FITM1: variants seen among roughly 807,000 people sequenced by gnomAD.
FITM1 encodes fat storage-inducing transmembrane protein 1.
A neutral mutation model predicts 22.2 loss-of-function variants in FITM1; 11 were observed. The ratio of observed to expected loss-of-function variants is 0.50; its 90% CI spans 0.31 to 0.82. The LOEUF is 0.82. Ranked by LOEUF, FITM1 falls within the 40% of genes least tolerant of loss-of-function variation. The pLI is 0.04. For missense variants in FITM1, 394 were observed against 386.4 expected (o/e 1.02, Z -0.17); for synonymous variants, 164 against 174.0 (o/e 0.94, Z 0.45).
chr14:24,132,599 C>G lies in FITM1; in HGVS notation c.655C>G (p.Arg219Gly), dbSNP rs570159546. The change falls in exon 2 of 2, where the codon CGC becomes GGC. Residue 219 changes from arginine to glycine, a missense_variant. By Grantham distance (125) the Arg-to-Gly change is moderately radical. Transcript: ENST00000267426. The part of the protein sequence containing the change: ...AHGLPAGAPL[R>G]LVFLLNVLLL... Reference sequence around the variant, plus strand: ...TGGGCTTCCTGCCGGCGCCCCACTGCGCCTTGTCTTCCTGCTGAACGTGCT... The same window carrying G: ...TGGGCTTCCTGCCGGCGCCCCACTGGGCCTTGTCTTCCTGCTGAACGTGCT... 7 of 1,611,454 alleles carry G rather than the reference C, an allele frequency of 4.3e-6. No homozygotes were observed. Among genetic ancestry groups the G allele is most frequent in the Non-Finnish European group, 5.9e-6 (7 of 1,180,036 alleles).
rs2037824047 is a variant in FITM1 at position 24,131,746 on chromosome 14, A to C, written c.183A>C (p.Ala61=). Residue 61 remains alanine (A), a synonymous_variant, in exon 1 of 2, where the codon GCA becomes GCC. Coordinates refer to ENST00000267426, the MANE Select transcript of FITM1 (RefSeq NM_203402.3). ...CLRRLYHAWL[A]AVVIFGPLLQ... is the part of the protein sequence containing the mutation. ...GGCGCCTCTACCATGCCTGGCTGGC[A>C]GCAGTGGTCATCTTTGGGCCGCTTC... 6.2e-7 allele frequency: 1 copy of C among 1,614,088 alleles called. No homozygotes were observed. Among genetic ancestry groups the C allele is most frequent in the Non-Finnish European group, 8.5e-7 (1 of 1,180,012 alleles).
rs908297454 is a variant in FITM1 at position 24,131,487 on chromosome 14, C to T, written c.-77C>T. On this transcript the variant is annotated 5_prime_UTR_variant, in exon 1 of 2. Coordinates refer to ENST00000267426, the MANE Select transcript of FITM1 (RefSeq NM_203402.3). Reference sequence around the variant, plus strand: ...GTCTGCCACACCTGTCACTGCCTATCCTTGTCCAGGGGGGGCCCCATCAGC... The same window carrying T: ...GTCTGCCACACCTGTCACTGCCTATTCTTGTCCAGGGGGGGCCCCATCAGC... 2 of 1,374,680 alleles carry T rather than the reference C, an allele frequency of 1.5e-6. No homozygotes were observed. The highest frequency in any genetic ancestry group is 1.2e-5 in the South Asian group (1 of 80,828). The allele number at this position is 1,374,680 out of a possible 1,614,324, so 85.2% of individuals were successfully genotyped here.
chr14:24,132,139 C>T, intron 1 of FITM1, 72 bp from the exon 2 acceptor site: 4 of 1,569,218 alleles, frequency 2.5e-6, no homozygotes, highest in East Asian at 2.2e-5. Context: ...GGGGAGAGTG[C>T]AGTGATGGGA....
chr14:24,132,386 C>G lies in FITM1; in HGVS notation c.442C>G (p.Leu148Val). ...CCGGGCCTTCCTGCTCATCGAGGAC[C>G]TGACTGGCTCCTGCTTCGAGCCACT... is the stretch of plus-strand genomic sequence containing the variant. Reference protein sequence around the residue: ...AGRAFLLIEDLTGSCFEPLPQ... With the variant: ...AGRAFLLIEDVTGSCFEPLPQ... Residue 148 changes from leucine (L) to valine (V), a missense_variant, in exon 2 of 2, where the codon CTG becomes GTG. Coordinates refer to ENST00000267426, the MANE Select transcript of FITM1 (RefSeq NM_203402.3). The G allele has an allele frequency of 6.2e-7, 1 of 1,612,910 alleles. No individual in the cohort carries two copies. Among genetic ancestry groups the G allele is most frequent in the South Asian group, 1.1e-5 (1 of 91,080 alleles).
In FITM1 at chr14:24,132,379, C is replaced by G; in HGVS notation, c.435C>G (p.Ile145Met). 3 of 1,613,338 alleles carry G rather than the reference C, an allele frequency of 1.9e-6. No individual in the cohort carries two copies. The highest frequency in any genetic ancestry group is 2.2e-5 in the East Asian group (1 of 44,888). Reference protein sequence around the residue: ...WRGAGRAFLLIEDLTGSCFEP... With the variant: ...WRGAGRAFLLMEDLTGSCFEP... ...GAGCCGGCCGGGCCTTCCTGCTCAT[C>G]GAGGACCTGACTGGCTCCTGCTTCG... is the stretch of plus-strand genomic sequence containing the variant. The change falls in exon 2 of 2, where the codon ATC (isoleucine) becomes ATG (methionine). Residue 145 changes from isoleucine to methionine, a missense_variant. Physicochemically the swap from Ile to Met is conservative, Grantham distance 10. Transcript: ENST00000267426.
chr14:24,132,611 C>G lies in FITM1; in HGVS notation c.667C>G (p.Leu223Val). Residue 223 changes from leucine (L) to valine (V), a missense_variant, in exon 2 of 2, where the codon CTG (leucine) becomes GTG (valine). Transcript: ENST00000267426. The stretch of plus-strand genomic sequence containing the variant: ...CGGCGCCCCACTGCGCCTTGTCTTC[C>G]TGCTGAACGTGCTGCTGCTGGGCCT... ...PAGAPLRLVF[L>V]LNVLLLGLWN... 6.2e-7 allele frequency: 1 copy of G among 1,612,408 alleles called. No individual in the cohort carries two copies.
In FITM1 at chr14:24,131,726, C is replaced by G. The variant is rs757385317; in HGVS notation, c.163C>G (p.Leu55Val). 6.2e-7 allele frequency: 1 copy of G among 1,614,058 alleles called. No individual in the cohort carries two copies. The highest frequency in any genetic ancestry group is 1.3e-5 in the African/African-American group (1 of 74,950). Residue 55 changes from leucine (L) to valine (V), a missense_variant, in exon 1 of 2, where the codon CTC (leucine) becomes GTC (valine). Transcript: ENST00000267426. ...RLLGSPCLRR[L>V]YHAWLAAVVI... ...TCTGGGCAGCCCCTGCTTACGGCGCCTCTACCATGCCTGGCTGGCAGCAGT... is the reference window on the plus strand; with the variant it reads ...TCTGGGCAGCCCCTGCTTACGGCGCGTCTACCATGCCTGGCTGGCAGCAGT...
Position 24,131,551 on chromosome 14 carries a change from G to T in FITM1, c.-13G>T. 1 of 1,555,880 alleles carries T rather than the reference G, an allele frequency of 6.4e-7. No individual in the cohort carries two copies. Among genetic ancestry groups the T allele is most frequent in the Admixed American group, 1.9e-5 (1 of 52,140 alleles). ...CCCAGCAAAGCAAGCAGTTAGTGGG[G>T]AGGGGAGGGAACATGGAGCGGGGGC... On this transcript the variant is annotated 5_prime_UTR_variant, in exon 1 of 2. Transcript: ENST00000267426.
chr14:24,131,509 C>A lies in FITM1; in HGVS notation c.-55C>A. The A allele has an allele frequency of 6.6e-7, 1 of 1,516,658 alleles. No individual in the cohort carries two copies. The allele number at this position is 1,516,658 out of a possible 1,614,324, so 94.0% of individuals were successfully genotyped here. A position where few individuals can be genotyped will look rare whatever the true frequency, so the allele number is the denominator to read the frequency against. Reference sequence around the variant, plus strand: ...TATCCTTGTCCAGGGGGGGCCCCATCAGCCCCTCCTCAGCTGCCCAGCAAA... The same window carrying A: ...TATCCTTGTCCAGGGGGGGCCCCATAAGCCCCTCCTCAGCTGCCCAGCAAA... On this transcript the variant is annotated 5_prime_UTR_variant, in exon 1 of 2. An upstream open reading frame in the 5' UTR gains an earlier in-frame stop. Coordinates refer to ENST00000267426, the MANE Select transcript of FITM1 (RefSeq NM_203402.3).
At position 24,131,526 on chromosome 14, in the gene FITM1, C is replaced by G; in HGVS notation, c.-38C>G. On this transcript the variant is annotated 5_prime_UTR_variant, in exon 1 of 2. Coordinates refer to ENST00000267426, the MANE Select transcript of FITM1 (RefSeq NM_203402.3). ...GGCCCCATCAGCCCCTCCTCAGCTGCCCAGCAAAGCAAGCAGTTAGTGGGG... is the reference window on the plus strand; with the variant it reads ...GGCCCCATCAGCCCCTCCTCAGCTGGCCAGCAAAGCAAGCAGTTAGTGGGG... The G allele has an allele frequency of 1.3e-6, 2 of 1,543,304 alleles. No individual in the cohort carries two copies. The highest frequency in any genetic ancestry group is 1.7e-6 in the Non-Finnish European group (2 of 1,144,372).
Position 24,132,645 on chromosome 14 carries a change from T to C in FITM1, c.701T>C (p.Phe234Ser). 1 of 1,613,666 alleles carries C rather than the reference T, an allele frequency of 6.2e-7. No homozygotes were observed. Among genetic ancestry groups the C allele is most frequent in the Non-Finnish European group, 8.5e-7 (1 of 1,180,030 alleles). The change falls in exon 2 of 2, where the codon TTC becomes TCC. Residue 234 changes from phenylalanine to serine, a missense_variant. By Grantham distance (155) the Phe-to-Ser change is radical. Coordinates refer to ENST00000267426, the MANE Select transcript of FITM1 (RefSeq NM_203402.3). Reference sequence around the variant, plus strand: ...GTGCTGCTGCTGGGCCTCTGGAACTTCTTGCTGCTCTGTACCGTCATCTAT... The same window carrying C: ...GTGCTGCTGCTGGGCCTCTGGAACTCCTTGCTGCTCTGTACCGTCATCTAT... ...LNVLLLGLWN[F>S]LLLCTVIYFH...
At chr14:24,132,053 G>A in intron 1 of FITM1, 158 bp from the exon 2 acceptor site, 2 of 1,237,124 alleles carry the variant, frequency 1.6e-6, no homozygotes, top group Non-Finnish European at 2.2e-6. Context: ...TGTCTTCCAA[G>A]GAGATAGCAA....
At position 24,131,684 on chromosome 14, in the gene FITM1, G is replaced by C. The variant is rs769163516; in HGVS notation, c.121G>C (p.Glu41Gln). ...CTCTGCCTTGCTGTACTTTGGAAGC[G>C]AACAGGCCGCCCGCCTTCTGGGCAG... ...VASALLYFGSEQAARLLGSPC... is the reference protein window; with the variant it reads ...VASALLYFGSQQAARLLGSPC... Residue 41 changes from glutamate (E) to glutamine (Q), a missense_variant, in exon 1 of 2, where the codon GAA becomes CAA. Glu to Gln is a conservative substitution (Grantham distance 29, BLOSUM62 2). Coordinates refer to ENST00000267426, the MANE Select transcript of FITM1 (RefSeq NM_203402.3). 9 of 1,613,964 alleles carry C rather than the reference G, an allele frequency of 5.6e-6. No individual in the cohort carries two copies. The highest frequency in any genetic ancestry group is 2.2e-5 in the East Asian group (1 of 44,902).
chr14:24,132,583 T>C lies in FITM1; in HGVS notation c.639T>C (p.Pro213=), dbSNP rs775322986. The C allele has an allele frequency of 6.2e-7, 1 of 1,609,942 alleles. No homozygotes were observed. Among genetic ancestry groups the C allele is most frequent in the Non-Finnish European group, 8.5e-7 (1 of 1,180,012 alleles). ...CCAAGTACCTGGCCCATGGGCTTCC[T>C]GCCGGCGCCCCACTGCGCCTTGTCT... ...VFAKYLAHGL[P]AGAPLRLVFL... Residue 213 remains proline (P), a synonymous_variant, in exon 2 of 2, where the codon CCT becomes CCC. Transcript: ENST00000267426.
At chr14:24,132,055 A>T in intron 1 of FITM1, 156 bp from the exon 2 acceptor site, 2 of 1,232,244 alleles carry the variant, frequency 1.6e-6, no homozygotes, top group South Asian at 3.1e-5. Context: ...TCTTCCAAGG[A>T]GATAGCAAAG....
intron 1 of FITM1, 100 bp from the exon 2 acceptor site, chr14:24,132,111 G>C: frequency 1.3e-6 from 2 of 1,502,794 alleles, no homozygotes; most frequent in Middle Eastern, 2.1e-4. Context: ...GAGAGAACGA[G>C]TGATGATGTG....
At chr14:24,132,075 CTG>C in intron 1 of FITM1, 134 bp from the exon 2 acceptor site, 1 of 1,319,586 alleles carries the variant, frequency 7.6e-7, no homozygotes, top group Non-Finnish European at 1.0e-6. Flanking sequence ...GGTTAAATGA[CTG>C]GGGGCTGTAA....
intron 1 of FITM1, 103 bp downstream of exon 1, chr14:24,131,932 G>T (rs2037825450): frequency 2.0e-6 from 3 of 1,467,810 alleles, no homozygotes; most frequent in Non-Finnish European, 2.7e-6. Context: ...CTAAAAATAG[G>T]CTAGGAGGTT....
At chr14:24,131,993 G>T in intron 1 of FITM1, 164 bp downstream of exon 1, 1 of 1,246,862 alleles carries the variant, frequency 8.0e-7, no homozygotes. Context: ...GGGTACAGGG[G>T]AAGTTGGGAA....
Sources: gnomAD v4.1 joint callset for allele counts on GRCh38, gnomAD v4.1.1 for gene constraint, MANE v1.5 for transcripts, NCBI Gene and HGNC (gene_info 2026-07-23, HGNC 2026-07-21) for gene names.